KCNAB1: variants seen among roughly 807,000 people sequenced by gnomAD.
KCNAB1 encodes the protein potassium voltage-gated channel subfamily A regulatory beta subunit 1, also known as voltage-gated potassium channel subunit beta-1.
A neutral mutation model predicts 64.6 loss-of-function variants in KCNAB1; 35 were observed. The ratio of observed to expected loss-of-function variants is 0.54; its 90% CI spans 0.41 to 0.72. The LOEUF (loss-of-function observed/expected upper bound fraction) is 0.72. KCNAB1 is among the 30% of genes least tolerant of loss of function. KCNAB1 has a pLI of 0.00. For synonymous variants in KCNAB1, 177 were observed against 183.8 expected (o/e 0.96, Z 0.30); for missense variants, 401 against 512.9 (o/e 0.78, Z 2.11).
chr3:156,260,267 T>C (rs1718355186), intron 1 of KCNAB1, among the ~76,000 whole-genome samples: 1 of 152,214 alleles, frequency 6.6e-6, no homozygotes, highest in Non-Finnish European at 1.5e-5. Flanking sequence ...AAAAACAGTT[T>C]TATTAAGGTA....
intron 8 of KCNAB1, among the ~76,000 whole-genome samples, chr3:156,486,353 G>C (rs1178397607): frequency 6.6e-6 from 1 of 152,144 alleles, no homozygotes; most frequent in Non-Finnish European, 1.5e-5. Flanking sequence ...TAAAAGTTGA[G>C]AGAGGGGAGT....
intron 2 of KCNAB1, among the ~76,000 whole-genome samples, chr3:156,425,805 C>T (rs1273676444): frequency 2.0e-5 from 3 of 151,968 alleles, no homozygotes; most frequent in Non-Finnish European, 2.9e-5. Context: ...TGACAGATGC[C>T]GTAATGGAGA....
chr3:156,402,199 CAT>C (rs1211320553), intron 1 of KCNAB1, among the ~76,000 whole-genome samples: 2 of 150,036 alleles, frequency 1.3e-5, no homozygotes, highest in African/African-American at 4.9e-5. Context: ...TGGGTGGGAA[CAT>C]ATTAAGAAAT....
rs528019283 is a variant in KCNAB1, at chr3:156,538,196, GCTAT to G, written c.*1452_*1455del. 6 of 151,510 alleles carry G rather than the reference GCTAT, an allele frequency of 4.0e-5. No homozygotes were observed. Among genetic ancestry groups the G allele is most frequent in the East Asian group, 3.9e-4 (2 of 5,190 alleles). The allele number at this position is 151,510 out of a possible 1,614,324, so 9.4% of individuals were successfully genotyped here. On this transcript the variant is annotated 3_prime_UTR_variant, in exon 14 of 14. Transcript: ENST00000490337. ...GGGAGTGGCCCTTTAACTCTATTTG[GCTAT>G]CTGAGGATGTACAAAATTCTCATTT...
chr3:156,156,748 T>C (rs1715750400), intron 1 of KCNAB1, among the ~76,000 whole-genome samples: 1 of 152,178 alleles, frequency 6.6e-6, no homozygotes, highest in Admixed American at 6.5e-5. Context: ...TCTAAATGCC[T>C]ATTAGAGAAC....
At chr3:156,475,011 T>A (rs1714238797) in intron 8 of KCNAB1, among the ~76,000 whole-genome samples, 191 bp downstream of exon 8, 1 of 152,196 alleles carries the variant, frequency 6.6e-6, no homozygotes, top group Non-Finnish European at 1.5e-5. Context: ...TGCGTCTTCT[T>A]CTTTTAAAGC....
At chr3:156,472,367 A>G (rs1039892716) in intron 7 of KCNAB1, among the ~76,000 whole-genome samples, 3 of 152,162 alleles carry the variant, frequency 2.0e-5, no homozygotes, top group Non-Finnish European at 4.4e-5. Flanking sequence ...AGGTGGAGCC[A>G]TCAGTTCAAA....
At chr3:156,154,111 GA>G (rs1222183073) in intron 1 of KCNAB1, among the ~76,000 whole-genome samples, 2 of 152,198 alleles carry the variant, frequency 1.3e-5, no homozygotes, top group African/African-American at 4.8e-5. Flanking sequence ...ACCTTGACCA[GA>G]ATGAGACACT....
At chr3:156,143,569 G>GTTTTTTTGTTT (rs1553807970) in intron 1 of KCNAB1, 25 of 297,052 alleles carry the variant, frequency 8.4e-5, no homozygotes, top group South Asian at 1.5e-4. Flanking sequence ...TTGCATTCTT[G>GTTTTTTTGTTT]TTTTTTTTTT....
At chr3:156,148,201 C>T (rs994536690) in intron 1 of KCNAB1, among the ~76,000 whole-genome samples, 1 of 152,174 alleles carries the variant, frequency 6.6e-6, no homozygotes, top group African/African-American at 2.4e-5. Flanking sequence ...GTAACTCCAA[C>T]CCACAGGGTC....
intron 2 of KCNAB1, among the ~76,000 whole-genome samples, chr3:156,426,039 G>C (rs1219556665): frequency 6.6e-6 from 1 of 152,162 alleles, no homozygotes; most frequent in African/African-American, 2.4e-5. Context: ...AGAATATTAT[G>C]AGTACAAGGT....
At chr3:156,192,121 T>C (rs914330746) in intron 1 of KCNAB1, among the ~76,000 whole-genome samples, 2 of 152,198 alleles carry the variant, frequency 1.3e-5, no homozygotes, top group African/African-American at 2.4e-5. Context: ...ACATGTATAC[T>C]CTTTTTTTGG....
chr3:156,158,170 AAAAAAT>A (rs1483766333), intron 1 of KCNAB1, among the ~76,000 whole-genome samples: 3,237 of 83,050 alleles, frequency 0.039, 162 homozygotes, highest in African/African-American at 0.061. Flanking sequence ...GTCTCAAAAA[AAAAAAT>A]AAAAAATAAA....
At chr3:156,139,343 TGA>T (rs1293205855) in intron 1 of KCNAB1, among the ~76,000 whole-genome samples, 1 of 152,138 alleles carries the variant, frequency 6.6e-6, no homozygotes, top group East Asian at 1.9e-4. Flanking sequence ...GAGGACAGAA[TGA>T]GAGGGACACA....
chr3:156,404,802 T>C (rs1714139900), intron 1 of KCNAB1, among the ~76,000 whole-genome samples: 1 of 152,168 alleles, frequency 6.6e-6, no homozygotes, highest in Non-Finnish European at 1.5e-5. Context: ...TTACTTAAAA[T>C]CTTTTTTTGG....
At chr3:156,164,312 A>G (rs574982505) in intron 1 of KCNAB1, among the ~76,000 whole-genome samples, 1 of 152,298 alleles carries the variant, frequency 6.6e-6, no homozygotes, top group African/African-American at 2.4e-5. Context: ...TGATCCTCAC[A>G]TCATTCTGTA....
At chr3:156,518,710 G>A (rs1717733346) in intron 11 of KCNAB1, among the ~76,000 whole-genome samples, 1 of 152,056 alleles carries the variant, frequency 6.6e-6, no homozygotes, top group African/African-American at 2.4e-5. Flanking sequence ...ACCTATCTAG[G>A]GCTCTTTTAG....
chr3:156,259,865 G>A (rs552704470), intron 1 of KCNAB1, among the ~76,000 whole-genome samples: 6 of 152,152 alleles, frequency 3.9e-5, no homozygotes, highest in African/African-American at 1.2e-4. Context: ...TGGGCAACTC[G>A]GTGAGGCTGC....
chr3:156,307,265 C>G (rs1026238324), intron 1 of KCNAB1, among the ~76,000 whole-genome samples: 8 of 152,062 alleles, frequency 5.3e-5, no homozygotes, highest in African/African-American at 1.9e-4. Flanking sequence ...AGACATGAGT[C>G]TCCAGACTTA....
Sources: gnomAD v4.1 joint callset for allele counts (sites outside exome capture counted in the v4.1 genomes callset) on GRCh38, gnomAD v4.1.1 for gene constraint, MANE v1.5 for transcripts, NCBI Gene and HGNC (gene_info 2026-07-23, HGNC 2026-07-21) for gene names.